The following LRRC1 variants were observed in gnomAD, a reference collection of about 807,000 sequenced individuals.
The protein encoded by LRRC1 is leucine-rich repeat-containing protein 1.
A neutral mutation model predicts 69.9 loss-of-function variants in LRRC1; 28 were observed. That is an observed-to-expected ratio of 0.40 (90% confidence interval 0.30 to 0.55). The LOEUF (loss-of-function observed/expected upper bound fraction) is 0.55, where lower values mean the gene tolerates loss of function less well. LRRC1 is among the 20% of genes least tolerant of loss of function. The pLI is 0.47. For missense variants in LRRC1, 498 were observed against 609.0 expected (o/e 0.82, Z 1.92); for synonymous variants, 236 against 240.2 (o/e 0.98, Z 0.16).
chr6:53,803,768 A>G (rs966916245), intron 1 of LRRC1, among the ~76,000 whole-genome samples: 5 of 152,202 alleles, frequency 3.3e-5, no homozygotes, highest in East Asian at 1.9e-4. Flanking sequence ...TGGATTTGCC[A>G]TGTGGTAAGT....
chr6:53,835,295 C>T (rs3001006), intron 1 of LRRC1, among the ~76,000 whole-genome samples: 38,924 of 152,110 alleles, frequency 0.26, 5,123 homozygotes, highest in African/African-American at 0.26. Flanking sequence ...TAACTTCATG[C>T]TTAATGTTAT....
intron 8 of LRRC1, among the ~76,000 whole-genome samples, chr6:53,901,521 G>A (rs1768056135): frequency 6.6e-6 from 1 of 151,900 alleles, no homozygotes; most frequent in African/African-American, 2.4e-5. Flanking sequence ...ACTCCAGCCT[G>A]GGCAATAGAG....
intron 1 of LRRC1, among the ~76,000 whole-genome samples, chr6:53,840,927 T>TGTGTGC (rs578018808): frequency 0.046 from 6,044 of 132,340 alleles, 205 homozygotes; most frequent in Admixed American, 0.082. Flanking sequence ...TGTGTGTGTG[T>TGTGTGC]GCGTGCGCGC....
chr6:53,813,416 G>T (rs150165291), intron 1 of LRRC1, among the ~76,000 whole-genome samples: 2 of 151,978 alleles, frequency 1.3e-5, no homozygotes, highest in East Asian at 3.9e-4. Flanking sequence ...GGATAGGGTG[G>T]GCTAGTTATA....
At chr6:53,865,415 G>A (rs1766668760) in intron 2 of LRRC1, among the ~76,000 whole-genome samples, 1 of 152,070 alleles carries the variant, frequency 6.6e-6, no homozygotes, top group African/African-American at 2.4e-5. Context: ...TCTTGAGCAA[G>A]TCCCAAGGTG....
Position 53,897,302 on chromosome 6 carries a change from C to A in LRRC1, c.585C>A (p.Ala195=). 6.2e-7 allele frequency: 1 copy of A among 1,611,238 alleles called. No homozygotes were observed. Among genetic ancestry groups the A allele is most frequent in the African/African-American group, 1.3e-5 (1 of 74,916 alleles). ...TGTTTTAGCCAGAATCAATTGGAGC[C>A]CTCTTACATCTAAAAGATCTCTGGT... ...EIYNLPESIG[A]LLHLKDLWLD... The change falls in exon 7 of 14, where the codon GCC becomes GCA. Residue 195 remains alanine, a synonymous_variant. Coordinates refer to ENST00000370888, the MANE Select transcript of LRRC1 (RefSeq NM_018214.5).
intron 4 of LRRC1, among the ~76,000 whole-genome samples, chr6:53,889,507 C>T (rs1359800330): frequency 6.6e-6 from 1 of 152,074 alleles, no homozygotes; most frequent in Non-Finnish European, 1.5e-5. Context: ...CCTGGATGAA[C>T]TTTGAAAGCA....
chr6:53,823,856 G>A (rs933498246), intron 1 of LRRC1, among the ~76,000 whole-genome samples: 1 of 152,156 alleles, frequency 6.6e-6, no homozygotes, highest in South Asian at 2.1e-4. Flanking sequence ...ATTCCATGCT[G>A]TATATATACC....
chr6:53,884,559 C>T (rs1767409585), intron 4 of LRRC1, among the ~76,000 whole-genome samples: 2 of 152,044 alleles, frequency 1.3e-5, no homozygotes, highest in African/African-American at 4.8e-5. Context: ...TGTTTAAACA[C>T]CCAAACTAAC....
chr6:53,817,329 G>A (rs1041745041), intron 1 of LRRC1, among the ~76,000 whole-genome samples: 21 of 152,122 alleles, frequency 1.4e-4, no homozygotes, highest in African/African-American at 5.1e-4. Flanking sequence ...ACAGATTATA[G>A]TTGTATATAT....
intron 2 of LRRC1, among the ~76,000 whole-genome samples, chr6:53,861,600 C>T (rs1343615636): frequency 6.6e-6 from 1 of 151,758 alleles, no homozygotes; most frequent in Non-Finnish European, 1.5e-5. Flanking sequence ...TTATATTAAA[C>T]CTGGATTAGG....
chr6:53,859,532 A>T (rs1431361563), intron 2 of LRRC1, among the ~76,000 whole-genome samples: 2 of 152,206 alleles, frequency 1.3e-5, no homozygotes, highest in Non-Finnish European at 2.9e-5. Context: ...ATTTAGACCG[A>T]AAGGATGTCT....
At chr6:53,804,223 A>G (rs891840472) in intron 1 of LRRC1, among the ~76,000 whole-genome samples, 1 of 152,210 alleles carries the variant, frequency 6.6e-6, no homozygotes, top group African/African-American at 2.4e-5. Flanking sequence ...TCATCCGTTA[A>G]CAATTTGATT....
chr6:53,866,579 A>G (rs1028650739), intron 2 of LRRC1, among the ~76,000 whole-genome samples: 2 of 152,158 alleles, frequency 1.3e-5, no homozygotes, highest in Non-Finnish European at 2.9e-5. Context: ...AACAAGGAGT[A>G]TTGGGCACTG....
intron 1 of LRRC1, among the ~76,000 whole-genome samples, chr6:53,806,495 G>A (rs1380699657): frequency 6.6e-6 from 1 of 152,106 alleles, no homozygotes; most frequent in African/African-American, 2.4e-5. Flanking sequence ...TCTTGTCCTG[G>A]TCCTGTCCAA....
At chr6:53,905,022 A>G (rs9463997) in intron 10 of LRRC1, 67,977 of 152,032 alleles carry the variant, frequency 0.45, 15,485 homozygotes, top group Middle Eastern at 0.53. Context: ...TAGTCTAAGC[A>G]CGAGAAAATG....
intron 1 of LRRC1, among the ~76,000 whole-genome samples, chr6:53,832,616 C>T (rs1035100752): frequency 6.6e-6 from 1 of 152,096 alleles, no homozygotes; most frequent in Non-Finnish European, 1.5e-5. Flanking sequence ...TTTTTCTTTT[C>T]TGTATGTAAA....
intron 5 of LRRC1, 111 bp downstream of exon 5, chr6:53,896,665 G>C (rs1205412676): frequency 1.8e-6 from 2 of 1,124,598 alleles, no homozygotes; most frequent in African/African-American, 3.1e-5. Flanking sequence ...GGGAAGTTTG[G>C]GGGATGCCAG....
chr6:53,915,142 T>G (rs2820218), intron 11 of LRRC1, among the ~76,000 whole-genome samples: 113,114 of 152,052 alleles, frequency 0.74, 42,640 homozygotes, highest in East Asian at 0.98. Flanking sequence ...GGGGGAAGAT[T>G]ATCAATGATC....
Sources: gnomAD v4.1 joint callset for allele counts (sites outside exome capture counted in the v4.1 genomes callset) on GRCh38, gnomAD v4.1.1 for gene constraint, MANE v1.5 for transcripts, NCBI Gene and HGNC (gene_info 2026-07-23, HGNC 2026-07-21) for gene names.